Variants in RAD51B observed in about 807,000 individuals in gnomAD.
The protein encoded by RAD51B is DNA repair protein RAD51 homolog 2.
In RAD51B, 38 loss-of-function variants were observed where a neutral mutation model predicts 42.2. The observed-to-expected ratio is 0.90, with a 90% CI of 0.70 to 1.18. The LOEUF is 1.18. Ranked by LOEUF, RAD51B falls within the 50% of genes most tolerant of loss-of-function variation. RAD51B has a pLI of 0.00. For missense variants in RAD51B, 373 were observed against 400.7 expected (o/e 0.93, Z 0.59); for synonymous variants, 154 against 145.2 (o/e 1.06, Z -0.43).
At chr14:68,016,294 G>GT (rs2075777024) in intron 7 of RAD51B, among the ~76,000 whole-genome samples, 1 of 152,190 alleles carries the variant, frequency 6.6e-6, no homozygotes, top group South Asian at 2.1e-4. Context: ...GTCTCTGGGG[G>GT]TAAAAAGCCC....
At chr14:68,369,183 G>C (rs1397687275) in intron 8 of RAD51B, among the ~76,000 whole-genome samples, 1 of 152,144 alleles carries the variant, frequency 6.6e-6, no homozygotes, top group South Asian at 2.1e-4. Flanking sequence ...TGAGTCTCAA[G>C]GTTGTTTATG....
At chr14:67,879,362 G>C (rs1436365156) in intron 5 of RAD51B, among the ~76,000 whole-genome samples, 1 of 152,146 alleles carries the variant, frequency 6.6e-6, no homozygotes, top group Non-Finnish European at 1.5e-5. Context: ...ACAATGCATA[G>C]ATTAGTGTTT....
chr14:68,298,212 A>G (rs2081650896), intron 8 of RAD51B, among the ~76,000 whole-genome samples: 1 of 152,208 alleles, frequency 6.6e-6, no homozygotes, highest in South Asian at 2.1e-4. Flanking sequence ...TAGAGTTGAG[A>G]GGAGATGGGC....
intron 7 of RAD51B, among the ~76,000 whole-genome samples, chr14:67,975,690 C>T (rs1050198518): frequency 6.6e-6 from 1 of 152,228 alleles, no homozygotes; most frequent in African/African-American, 2.4e-5. Flanking sequence ...GGATTGGTTA[C>T]AGCTCCGCAT....
chr14:68,243,334 T>C (rs2080431405), intron 7 of RAD51B, among the ~76,000 whole-genome samples: 1 of 152,242 alleles, frequency 6.6e-6, no homozygotes, highest in African/African-American at 2.4e-5. Context: ...TTGTAAACTT[T>C]TTTATATTAT....
chr14:68,515,917 C>G (rs1042271856), intron 10 of RAD51B, among the ~76,000 whole-genome samples: 4 of 152,016 alleles, frequency 2.6e-5, no homozygotes, highest in Admixed American at 2.6e-4. Flanking sequence ...TCCCGAGTAG[C>G]TGGGACCACA....
intron 7 of RAD51B, among the ~76,000 whole-genome samples, chr14:68,232,349 G>T (rs2080164856): frequency 6.6e-6 from 1 of 151,636 alleles, no homozygotes; most frequent in Non-Finnish European, 1.5e-5. Context: ...GTACTGGCAG[G>T]TTAACAACTG....
Position 67,887,204 on chromosome 14 carries a change from A to G in RAD51B, c.756A>G (p.Pro252=). The G allele has an allele frequency of 6.2e-7, 1 of 1,602,534 alleles. No individual in the cohort carries two copies. The highest frequency in any genetic ancestry group is 1.1e-5 in the South Asian group (1 of 88,122). ...ATTTGGCTGAGGAGTTTTCAATCCC[A>G]GTAAGTTTTTCTTTTTTTCTCTTTT... is the stretch of plus-strand genomic sequence containing the variant. ...LKYLAEEFSI[P]VILTNQITTH... is the part of the protein sequence containing the mutation. The change falls in exon 7 of 11, where the codon CCA becomes CCG. Residue 252 remains proline, a splice_region_variant and synonymous_variant. Coordinates refer to ENST00000471583, the MANE Select transcript of RAD51B (RefSeq NM_133510.4).
At chr14:68,063,067 T>C (rs1192482501) in intron 7 of RAD51B, among the ~76,000 whole-genome samples, 1 of 152,134 alleles carries the variant, frequency 6.6e-6, no homozygotes, top group Non-Finnish European at 1.5e-5. Context: ...CATTTACATT[T>C]CTTCTGTATT....
chr14:67,936,192 C>G (rs929682814), intron 7 of RAD51B, among the ~76,000 whole-genome samples: 1 of 152,072 alleles, frequency 6.6e-6, no homozygotes, highest in Non-Finnish European at 1.5e-5. Flanking sequence ...AGTCTAATTC[C>G]AAAACATTTC....
At chr14:67,998,857 AT>A in intron 7 of RAD51B, among the ~76,000 whole-genome samples, 1 of 152,256 alleles carries the variant, frequency 6.6e-6, no homozygotes, top group South Asian at 2.1e-4. Flanking sequence ...GTTTGTTCTT[AT>A]GGAATTTACT....
At position 68,535,822 on chromosome 14, in the gene RAD51B, A is replaced by C. The variant is rs1470418325; in HGVS notation, c.1037-58663A>C. On this transcript the variant is annotated intron_variant, in intron 10 of 10. Transcript: ENST00000487270. ...CTAACTCTCAGTGAGATACATGCTCACTAGGGTCAGGCACATGAAAGGTCT... is the reference window on the plus strand; with the variant it reads ...CTAACTCTCAGTGAGATACATGCTCCCTAGGGTCAGGCACATGAAAGGTCT... 6.6e-5 allele frequency among the ~76,000 whole-genome samples: 10 copies of C among 152,328 alleles called. No homozygotes were observed. The East Asian group carries it at 1.9e-3, about 29-fold the overall frequency.
intron 8 of RAD51B, among the ~76,000 whole-genome samples, chr14:68,318,529 T>C (rs982151316): frequency 6.6e-6 from 1 of 152,246 alleles, no homozygotes; most frequent in Non-Finnish European, 1.5e-5. Flanking sequence ...AGGAATATTA[T>C]TGACTTTCCA....
At chr14:67,902,376 A>G (rs2043641103) in intron 7 of RAD51B, among the ~76,000 whole-genome samples, 1 of 152,160 alleles carries the variant, frequency 6.6e-6, no homozygotes. Context: ...TTGTTAGTTG[A>G]TAGTTCCATA....
chr14:68,672,822 C>T (rs1893186670), intron 11 of RAD51B, among the ~76,000 whole-genome samples: 1 of 152,206 alleles, frequency 6.6e-6, no homozygotes, highest in South Asian at 2.1e-4. Flanking sequence ...CATGGTGTCC[C>T]TTCAGAGGGT....
intron 7 of RAD51B, among the ~76,000 whole-genome samples, chr14:67,892,676 C>G (rs1216448627): frequency 2.6e-5 from 4 of 152,200 alleles, no homozygotes; most frequent in Non-Finnish European, 5.9e-5. Flanking sequence ...TTTATGCAAA[C>G]AGTGTGATTT....
intron 4 of RAD51B, among the ~76,000 whole-genome samples, chr14:67,849,901 A>G (rs145543626): frequency 1.4e-4 from 21 of 152,312 alleles, no homozygotes; most frequent in African/African-American, 4.6e-4. Flanking sequence ...GACCTTTCCT[A>G]GAGAGCTACT....
intron 7 of RAD51B, among the ~76,000 whole-genome samples, chr14:68,105,086 AT>A (rs2077353967): frequency 6.6e-6 from 1 of 151,084 alleles, no homozygotes. Flanking sequence ...TTTGAAAAAT[AT>A]TTACTTTAAA....
At chr14:68,611,266 C>A (rs761187575) in exon 11 of RAD51B, 2 of 702,258 alleles carry the variant, frequency 2.8e-6, no homozygotes, top group Non-Finnish European at 5.2e-6. Flanking sequence ...AGTTTTTCAC[C>A]ACGACTTCCA....
Sources: gnomAD v4.1 joint callset for allele counts (sites outside exome capture counted in the v4.1 genomes callset) on GRCh38, gnomAD v4.1.1 for gene constraint, MANE v1.5 for transcripts, NCBI Gene and HGNC (gene_info 2026-07-23, HGNC 2026-07-21) for gene names.